The following SH3TC1 variants were observed in gnomAD, a reference collection of about 807,000 sequenced individuals.
SH3TC1 encodes SH3 domain and tetratricopeptide repeats 1, also known as SH3 domain and tetratricopeptide repeat-containing protein 1.
In SH3TC1, 135 loss-of-function variants were observed where a neutral mutation model predicts 117.3. The ratio of observed to expected loss-of-function variants is 1.15; its 90% CI spans 1.00 to 1.33. SH3TC1 has a LOEUF of 1.33. Among genes scored for constraint, SH3TC1 ranks in the 40% most tolerant of loss-of-function variants. SH3TC1 has a pLI of 0.00. For synonymous variants in SH3TC1, 898 were observed against 816.9 expected, an observed-to-expected ratio of 1.10 and a Z score of -1.69; for missense variants, 2,092 against 1,794.3, an observed-to-expected ratio of 1.17 and a Z score of -3.00.
intron 12 of SH3TC1, among the ~76,000 whole-genome samples, chr4:8,230,119 A>G (rs1721050375): frequency 6.6e-6 from 1 of 152,116 alleles, no homozygotes; most frequent in Non-Finnish European, 1.5e-5. Context: ...ACTTGTGGTC[A>G]TTTTTGAGTC....
At position 8,227,223 on chromosome 4, in the gene SH3TC1, G is replaced by A. The variant is rs532233944; in HGVS notation, c.1529G>A (p.Gly510Glu). 2.5e-6 allele frequency: 4 copies of A among 1,572,700 alleles called. No homozygotes were observed. The South Asian group carries it at 4.6e-5, about 18-fold the overall frequency. The change falls in exon 12 of 18, where the codon GGG becomes GAG. Residue 510 changes from glycine (G) to glutamate (E), a missense_variant. Gly to Glu is a moderately conservative substitution (Grantham distance 98). Coordinates refer to ENST00000245105, the MANE Select transcript of SH3TC1 (RefSeq NM_018986.5). The stretch of plus-strand genomic sequence containing the variant: ...CTGCTGCTGTTCCTGAACGCCCCTG[G>A]GTACAAGGCCAGCTTCCGTGGCCTG... ...SSLLLFLNAP[G>E]YKASFRGLYD...
Position 8,225,686 on chromosome 4 carries a change from T to C in SH3TC1, c.1285+470T>C, listed in dbSNP as rs1361633927. On this transcript the variant is annotated intron_variant, in intron 11 of 17. Transcript: ENST00000245105. This position sits in a 1 kb window ranked among gnomAD's most constrained non-coding sequence, Gnocchi z 5.5. The stretch of plus-strand genomic sequence containing the variant: ...GGGCTGATTGAGGGAGACCCTTCCA[T>C]CTCCCCTCTACAGCTCTGTCTCTTC... 6.6e-6 allele frequency among the ~76,000 whole-genome samples: 1 copy of C among 152,056 alleles called. No homozygotes were observed. Among genetic ancestry groups the C allele is most frequent in the African/African-American group, 2.4e-5 (1 of 41,380 alleles).
intron 12 of SH3TC1, chr4:8,231,670 C>T (rs1466600090): frequency 5.0e-6 from 2 of 401,942 alleles, no homozygotes; most frequent in African/African-American, 4.1e-5. Context: ...CTGGCCTCGT[C>T]AGCTCGGGCT....
At chr4:8,200,292 A>G (rs908057123) in intron 1 of SH3TC1, among the ~76,000 whole-genome samples, 3 of 152,130 alleles carry the variant, frequency 2.0e-5, no homozygotes. Flanking sequence ...GGCCCGAGTC[A>G]GGTCTGGGTT....
At position 8,227,274 on chromosome 4, in the gene SH3TC1, G is replaced by C. The variant is rs761926772; in HGVS notation, c.1580G>C (p.Ser527Thr). 9.3e-6 allele frequency: 15 copies of C among 1,604,660 alleles called. No homozygotes were observed. The South Asian group carries it at 1.6e-4, about 17-fold the overall frequency. Residue 527 changes from serine (S) to threonine (T), a missense_variant, in exon 12 of 18, where the codon AGC becomes ACC. By Grantham distance (58) the Ser-to-Thr change is moderately conservative. Transcript: ENST00000245105. ...TACGATGTGGCGCTGCCGTGGCTGAGCAGCGTGTTCCGCAGCTTCAGCGAC... is the reference window on the plus strand; with the variant it reads ...TACGATGTGGCGCTGCCGTGGCTGACCAGCGTGTTCCGCAGCTTCAGCGAC... ...GLYDVALPWL[S>T]SVFRSFSDEE...
At chr4:8,240,456 G>A in intron 17 of SH3TC1, among the ~76,000 whole-genome samples, 1 of 152,160 alleles carries the variant, frequency 6.6e-6, no homozygotes, top group East Asian at 1.9e-4. Context: ...CCTGCAGAGA[G>A]GGTGGGGCTG....
chr4:8,192,001 T>TTATC lies in SH3TC1; in HGVS notation c.-57+9791_-57+9792insTATC, dbSNP rs945679867. ...TTTATTTATTTATTTATTTATTTAT[T>TTATC]ATTTTTGAGACGGAGTCTTGCTCTG... On this transcript the variant is annotated intron_variant, in intron 1 of 16. Transcript: ENST00000508641. The surrounding 1 kb of genome is among the most constrained non-coding windows in gnomAD (Gnocchi z 4.1). Among the ~76,000 whole-genome samples the TTATC allele has an allele frequency of 8.0e-5, 12 of 150,724 alleles. No homozygotes were observed. Among genetic ancestry groups the TTATC allele is most frequent in the African/African-American group, 2.9e-4 (12 of 40,982 alleles).
chr4:8,212,438 CAT>C (rs1271063187), intron 3 of SH3TC1, among the ~76,000 whole-genome samples: 1 of 152,164 alleles, frequency 6.6e-6, no homozygotes, highest in African/African-American at 2.4e-5. Context: ...CTGCAGGGGA[CAT>C]GAGTCCACTT....
At chr4:8,232,497 G>A (rs780300876) in intron 13 of SH3TC1, 18 of 1,409,308 alleles carry the variant, frequency 1.3e-5, no homozygotes, top group Admixed American at 7.4e-5. Context: ...TGCCTGCCCC[G>A]AGTCTTCACT....
At chr4:8,238,614 G>A (rs977005249) in intron 17 of SH3TC1, among the ~76,000 whole-genome samples, 1 of 151,954 alleles carries the variant, frequency 6.6e-6, no homozygotes, top group East Asian at 1.9e-4. Flanking sequence ...GGAGGCCCCC[G>A]CCCGGTGCTG....
At position 8,205,896 on chromosome 4, in the gene SH3TC1, T is replaced by C; in HGVS notation, c.172+530T>C. ...CCCTCTTACCCCCATCCTGAGACCCTGAAGGGGACGAGGGGAGAGGCAGGG... is the reference window on the plus strand; with the variant it reads ...CCCTCTTACCCCCATCCTGAGACCCCGAAGGGGACGAGGGGAGAGGCAGGG... On this transcript the variant is annotated intron_variant, in intron 2 of 17. Coordinates refer to ENST00000245105, the MANE Select transcript of SH3TC1 (RefSeq NM_018986.5). This position sits in a 1 kb window ranked among gnomAD's most constrained non-coding sequence, Gnocchi z 5.4. The C allele has an allele frequency of 1.8e-6, 1 of 545,934 alleles. No homozygotes were observed. Among genetic ancestry groups the C allele is most frequent in the Non-Finnish European group, 3.3e-6 (1 of 306,418 alleles). The allele number at this position is 545,934 out of a possible 1,614,324, so 33.8% of individuals were successfully genotyped here.
Position 8,241,001 on chromosome 4 carries a change from C to T in SH3TC1, c.*46C>T. 1 of 1,587,254 alleles carries T rather than the reference C, an allele frequency of 6.3e-7. No individual in the cohort carries two copies. Among genetic ancestry groups the T allele is most frequent in the South Asian group, 1.1e-5 (1 of 90,694 alleles). The stretch of plus-strand genomic sequence containing the variant: ...GGTTTTGTGCAAGGGCTGGGGGTCT[C>T]CTGCCTCTCCTGGTGTCGCCGGTGG... On this transcript the variant is annotated 3_prime_UTR_variant, in exon 18 of 18. Transcript: ENST00000245105.
At chr4:8,197,231 G>A (rs1717582507), upstream of SH3TC1, among the ~76,000 whole-genome samples, 1 of 152,172 alleles carries the variant, frequency 6.6e-6, no homozygotes. Context: ...AGAGGCTGGA[G>A]CAGGCAGGAA....
chr4:8,197,120 G>A (rs369955516), upstream of SH3TC1, among the ~76,000 whole-genome samples: 133 of 152,282 alleles, frequency 8.7e-4, 1 homozygote, highest in Non-Finnish European at 1.6e-3. Context: ...GCGCTTAAGG[G>A]AGACTGAAGA....
chr4:8,204,397 C>T (rs1052753669), intron 1 of SH3TC1, among the ~76,000 whole-genome samples: 6 of 152,182 alleles, frequency 3.9e-5, no homozygotes, highest in South Asian at 2.1e-4. Flanking sequence ...ACATCAGGCA[C>T]GGATGGAACC....
intron 15 of SH3TC1, 70 bp from the exon 16 acceptor site, chr4:8,236,208 T>G: frequency 3.5e-5 from 51 of 1,464,416 alleles, no homozygotes; most frequent in Non-Finnish European, 4.1e-5. Flanking sequence ...AGCACATGTT[T>G]GAGCTCTGAG....
chr4:8,232,987 C>T, intron 13 of SH3TC1: 1 of 1,197,050 alleles, frequency 8.4e-7, no homozygotes, highest in Non-Finnish European at 1.1e-6. Context: ...GCTATATGGA[C>T]AGGCCTCTGG....
At chr4:8,184,748 T>C (rs1717173229) in intron 1 of SH3TC1, among the ~76,000 whole-genome samples, 1 of 152,208 alleles carries the variant, frequency 6.6e-6, no homozygotes, top group Non-Finnish European at 1.5e-5. Context: ...TTCACAGACT[T>C]AGTGGAACTT....
At chr4:8,238,215 T>C (rs900976503) in intron 17 of SH3TC1, among the ~76,000 whole-genome samples, 9 of 151,846 alleles carry the variant, frequency 5.9e-5, no homozygotes, top group Non-Finnish European at 1.0e-4. Flanking sequence ...GCGGGGCCGG[T>C]GTCTTACCAC....
Sources: allele counts gnomAD v4.1 joint callset (sites outside exome capture counted in the v4.1 genomes callset), GRCh38; gene constraint gnomAD v4.1.1; non-coding constraint Gnocchi (gnomAD v3.1); transcripts MANE v1.5; gene names NCBI Gene and HGNC (gene_info 2026-07-23, HGNC 2026-07-21).